The following SPTBN5 variants were observed in gnomAD, a reference collection of about 807,000 sequenced individuals.
The protein encoded by SPTBN5 is spectrin beta chain, non-erythrocytic 5.
A neutral mutation model predicts 477.6 loss-of-function variants in SPTBN5; 513 were observed. The ratio of observed to expected loss-of-function variants is 1.07; its 90% CI spans 1.00 to 1.16. The LOEUF is 1.16. Ranked by LOEUF, SPTBN5 falls within the 50% of genes most tolerant of loss-of-function variation. The probability of loss-of-function intolerance (pLI) is 0.00; values close to 1 mark genes in which losing one functional copy is unlikely to be tolerated. For synonymous variants in SPTBN5, 2,169 were observed against 2,011.7 expected (o/e 1.08, Z -2.09); for missense variants, 5,062 against 4,731.8 (o/e 1.07, Z -2.05).
At chr15:41,872,526 C>A (rs2066582198) in intron 26 of SPTBN5, 67 bp from the exon 27 acceptor site, 1 of 1,489,528 alleles carries the variant, frequency 6.7e-7, no homozygotes, top group Non-Finnish European at 9.0e-7. Context: ...GTCCGTCCCC[C>A]ACCCATCCAG....
In SPTBN5 at chr15:41,875,629, T is replaced by C; in HGVS notation, c.4123-7A>G. On this transcript the variant is annotated splice_region_variant and splice_polypyrimidine_tract_variant and intron_variant, in intron 21 of 67. Coordinates refer to ENST00000320955, the MANE Select transcript of SPTBN5 (RefSeq NM_016642.4). ...TCAACAGCTCTCTCCCAACCTGGAG[T>C]GGAGATAAAGGCCCAGGGAGTTTGG... 1.9e-6 allele frequency: 3 copies of C among 1,574,554 alleles called. No homozygotes were observed. Among genetic ancestry groups the C allele is most frequent in the African/African-American group, 1.4e-5 (1 of 73,880 alleles).
intron 3 of SPTBN5, among the ~76,000 whole-genome samples, chr15:41,892,621 G>T (rs985010230): frequency 6.6e-6 from 1 of 152,222 alleles, no homozygotes; most frequent in Non-Finnish European, 1.5e-5. Flanking sequence ...CTAGAATCCT[G>T]TGAGTCTCTC....
At position 41,851,581 on chromosome 15, in the gene SPTBN5, T is replaced by TGGCA. The variant is rs138547502; in HGVS notation, c.10656+197_10656+198insTGCC. 8.3e-5 allele frequency among the ~76,000 whole-genome samples: 10 copies of TGGCA among 120,064 alleles called. No individual in the cohort carries two copies. In the South Asian group the frequency reaches 1.4e-3, roughly 17 times the overall value. The allele number at this position is 120,064 out of a possible 152,430, so 78.8% of individuals were successfully genotyped here. ...GGGGAGGAGGAATCCCAGCACCTCC[T>TGGCA]GGTGGGGGTGGGTAGGTGGGGGCGG... On this transcript the variant is annotated intron_variant, in intron 63 of 67. Coordinates refer to ENST00000320955, the MANE Select transcript of SPTBN5 (RefSeq NM_016642.4).
Position 41,875,449 on chromosome 15 carries a change from C to T in SPTBN5, c.4287+9G>A, listed in dbSNP as rs374504869. The T allele has an allele frequency of 3.1e-6, 5 of 1,610,016 alleles. No individual in the cohort carries two copies. The African/African-American group carries it at 5.3e-5, about 17-fold the overall frequency. Reference sequence around the variant, plus strand: ...TCCCTCTTGTGCCCTGTCCCTCTTCCCAGTGGACCTGCAGCTGCCTCAGGA... The same window carrying T: ...TCCCTCTTGTGCCCTGTCCCTCTTCTCAGTGGACCTGCAGCTGCCTCAGGA... On this transcript the variant is annotated intron_variant, in intron 22 of 67. Transcript: ENST00000320955.
At chr15:41,883,579 G>A in intron 7 of SPTBN5, 93 bp from the exon 8 acceptor site, 1 of 1,479,228 alleles carries the variant, frequency 6.8e-7, no homozygotes, top group East Asian at 2.3e-5. Context: ...TGGCTGCCCT[G>A]GAAGAGTCTG....
intron 64 of SPTBN5, 37 bp from the exon 65 acceptor site, chr15:41,851,187 T>C (rs1371950958): frequency 1.9e-6 from 3 of 1,597,734 alleles, no homozygotes; most frequent in African/African-American, 2.7e-5. Flanking sequence ...ACTGCGGCCA[T>C]CTCAGCTTTT....
chr15:41,886,506 C>G, intron 6 of SPTBN5, 140 bp from the exon 7 acceptor site: 1 of 975,450 alleles, frequency 1.0e-6, no homozygotes, highest in Non-Finnish European at 1.5e-6. Context: ...GGTACCCCCA[C>G]CCCAGAGAAC....
intron 66 of SPTBN5, chr15:41,850,167 T>A: frequency 1.7e-6 from 1 of 572,286 alleles, no homozygotes; most frequent in South Asian, 2.1e-5. Flanking sequence ...AGGAAACTCC[T>A]CACAGGTGAG....
chr15:41,861,260 G>A (rs907960190), intron 46 of SPTBN5, among the ~76,000 whole-genome samples, 159 bp downstream of exon 46: 2 of 152,246 alleles, frequency 1.3e-5, no homozygotes, highest in Non-Finnish European at 1.5e-5. Context: ...TCTAGATGAC[G>A]GGTAAGTAAC....
At chr15:41,851,584 T>G (rs1197663) in intron 63 of SPTBN5, among the ~76,000 whole-genome samples, 195 bp downstream of exon 63, 102,167 of 123,984 alleles carry the variant, frequency 0.82, 40,897 homozygotes, top group Middle Eastern at 0.9. Flanking sequence ...CACCTCCTGG[T>G]GGGGGTGGGT....
At position 41,871,486 on chromosome 15, in the gene SPTBN5, T is replaced by A. The variant is rs1461878330; in HGVS notation, c.5336A>T (p.Gln1779Leu). The change falls in exon 29 of 68, where the codon CAA (glutamine) becomes CTA (leucine). Residue 1779 changes from glutamine (Q) to leucine (L), a missense_variant. Coordinates refer to ENST00000320955, the MANE Select transcript of SPTBN5 (RefSeq NM_016642.4). ...LCTKFAKFQH[Q>L]VEMGSQRVAA... Reference sequence around the variant, plus strand: ...CACCCGCTGGCTGCCCATCTCCACTTGGTGCTGAAACTTTGCAAACTTGGT... The same window carrying A: ...CACCCGCTGGCTGCCCATCTCCACTAGGTGCTGAAACTTTGCAAACTTGGT... 4 of 1,528,848 alleles carry A rather than the reference T, an allele frequency of 2.6e-6. No individual in the cohort carries two copies. The Admixed American group carries it at 8.4e-5, about 32-fold the overall frequency. The allele number at this position is 1,528,848 out of a possible 1,614,324, so 94.7% of individuals were successfully genotyped here.
At chr15:41,852,430 C>G in intron 61 of SPTBN5, 114 bp from the exon 62 acceptor site, 1 of 1,405,790 alleles carries the variant, frequency 7.1e-7, no homozygotes, top group Non-Finnish European at 9.6e-7. Context: ...GGCCTGCCTC[C>G]CCATCACTAG....
intron 26 of SPTBN5, 23 bp from the exon 27 acceptor site, chr15:41,872,482 C>A: frequency 6.5e-7 from 1 of 1,541,762 alleles, no homozygotes. Context: ...AGGACCCATG[C>A]CAGGCTCAGC....
In SPTBN5 at chr15:41,882,015, ACGCGCTCCAGC is replaced by A; in HGVS notation, c.2367_2377del (p.Leu790ProfsTer46). 6.5e-7 allele frequency: 1 copy of A among 1,538,458 alleles called. No individual in the cohort carries two copies. Among genetic ancestry groups the A allele is most frequent in the South Asian group, 1.2e-5 (1 of 84,206 alleles). On this transcript the variant is annotated frameshift_variant, in exon 12 of 68. Coordinates refer to ENST00000320955, the MANE Select transcript of SPTBN5 (RefSeq NM_016642.4). LOFTEE classifies it high-confidence loss of function. ...CAGCTCGGCCGCGAAGGCGCGCAGG[ACGCGCTCCAGC>A]CGCACGTGGCGCCTCAGCAGGGTCT...
rs781466337 is a variant in SPTBN5, at chr15:41,854,793, C to A, written c.9607G>T (p.Ala3203Ser). The part of the protein sequence containing the change: ...AWERLDQAIK[A>S]RTENLAAAHE... Reference sequence around the variant, plus strand: ...CTGTGATCACCTACCTCTGTGCGGGCTTTTATTGCTTGGTCCAACCTCTCC... The same window carrying A: ...CTGTGATCACCTACCTCTGTGCGGGATTTTATTGCTTGGTCCAACCTCTCC... Residue 3203 changes from alanine to serine, a missense_variant, in exon 56 of 68, where the codon GCC (alanine) becomes TCC (serine). Transcript: ENST00000320955. 1 of 1,546,480 alleles carries A rather than the reference C, an allele frequency of 6.5e-7. No individual in the cohort carries two copies. The highest frequency in any genetic ancestry group is 1.2e-5 in the South Asian group (1 of 81,178).
At chr15:41,883,300 T>TC in intron 8 of SPTBN5, 48 bp downstream of exon 8, 1 of 1,607,274 alleles carries the variant, frequency 6.2e-7, no homozygotes, top group South Asian at 1.1e-5. Flanking sequence ...ACTGGGGAAG[T>TC]CCCCCACCTT....
chr15:41,867,183 C>T, intron 35 of SPTBN5, 57 bp from the exon 36 acceptor site: 1 of 1,473,254 alleles, frequency 6.8e-7, no homozygotes, highest in Non-Finnish European at 9.0e-7. Context: ...CAGGGCCTGG[C>T]CTGCAGGGCT....
intron 11 of SPTBN5, 37 bp downstream of exon 11, chr15:41,882,232 G>GGCCCCCCCCCCCCCCCCCCCCCCCC: frequency 8.0e-7 from 1 of 1,254,138 alleles, no homozygotes; most frequent in Non-Finnish European, 1.1e-6. Flanking sequence ...GCCTCGCCGG[G>GGCCCCCCCCCCCCCCCCCCCCCCCC]CCCCGCCCCC....
intron 41 of SPTBN5, among the ~76,000 whole-genome samples, chr15:41,863,226 A>G (rs1188849679): frequency 6.6e-6 from 1 of 152,254 alleles, no homozygotes; most frequent in Non-Finnish European, 1.5e-5. Flanking sequence ...ATTTGAGGGC[A>G]GAAGCCAGCG....
Sources: gnomAD v4.1 joint callset for allele counts (sites outside exome capture counted in the v4.1 genomes callset) on GRCh38, gnomAD v4.1.1 for gene constraint, MANE v1.5 for transcripts, NCBI Gene and HGNC (gene_info 2026-07-23, HGNC 2026-07-21) for gene names.